The following CACNB1 variants were observed in gnomAD, a reference collection of about 807,000 sequenced individuals.
CACNB1 encodes the protein voltage-dependent L-type calcium channel subunit beta-1.
A neutral mutation model predicts 71.6 loss-of-function variants in CACNB1; 29 were observed. The observed-to-expected ratio is 0.40, with a 90% CI of 0.30 to 0.55. The LOEUF (loss-of-function observed/expected upper bound fraction) is 0.55. CACNB1 is among the 20% of genes least tolerant of loss of function. CACNB1 has a pLI of 0.38. For synonymous variants in CACNB1, 300 were observed against 319.6 expected (o/e 0.94, Z 0.65); for missense variants, 623 against 801.8 (o/e 0.78, Z 2.69).
rs1567798796 is a variant in CACNB1, at chr17:39,183,366, A to AG, written c.1050+346_1050+347insC. ...AAGAAGAAGAAGAAGAAGAAGAAGA[A>AG]AGGAAAGACCTCCCAACTGCCAAGT... is the stretch of plus-strand genomic sequence containing the variant. On this transcript the variant is annotated intron_variant, in intron 11 of 13. Coordinates refer to ENST00000394303, the MANE Select transcript of CACNB1 (RefSeq NM_000723.5). 3.5e-4 allele frequency among the ~76,000 whole-genome samples: 53 copies of AG among 151,368 alleles called. 1 individual carries two copies. The highest frequency in any genetic ancestry group is 9.2e-4 in the Admixed American group (14 of 15,188).
In CACNB1 at chr17:39,175,624, C is replaced by G; in HGVS notation, c.1366G>C (p.Glu456Gln). 6.3e-7 allele frequency: 1 copy of G among 1,580,118 alleles called. No homozygotes were observed. Among genetic ancestry groups the G allele is most frequent in the Non-Finnish European group, 8.6e-7 (1 of 1,161,316 alleles). The change falls in exon 14 of 14, where the codon GAA becomes CAA. Residue 456 changes from glutamate to glutamine, a missense_variant. By Grantham distance (29) the Glu-to-Gln change is conservative. Coordinates refer to ENST00000394303, the MANE Select transcript of CACNB1 (RefSeq NM_000723.5). This position sits in a 1 kb window ranked among gnomAD's most constrained non-coding sequence, Gnocchi z 4.7. ...PYLASGDQPL[E>Q]RATGEHASMH... ...CTGGCGTGCTCCCCGGTGGCCCGTT[C>G]CAGTGGCTGGTCCCCGGAAGCAAGG...
intron 1 of CACNB1, among the ~76,000 whole-genome samples, chr17:39,195,628 T>TG (rs1159850534): frequency 6.6e-6 from 1 of 152,132 alleles, no homozygotes; most frequent in Non-Finnish European, 1.5e-5. Context: ...CCTGGCACCA[T>TG]GGGGGCAAAT....
intron 11 of CACNB1, among the ~76,000 whole-genome samples, chr17:39,182,191 G>A (rs2045784418): frequency 6.6e-6 from 1 of 151,192 alleles, no homozygotes; most frequent in Admixed American, 6.6e-5. Flanking sequence ...CAGGTGTGGT[G>A]TGTGCCCGTA....
At chr17:39,187,182 G>A (rs2045961741) in intron 4 of CACNB1, 1 of 600,146 alleles carries the variant, frequency 1.7e-6, no homozygotes, top group South Asian at 2.0e-5. Flanking sequence ...TTCTCCCCAT[G>A]TGCCCACCCT....
intron 2 of CACNB1, chr17:39,193,494 G>C (rs2046138237): frequency 2.2e-6 from 1 of 452,712 alleles, no homozygotes; most frequent in Non-Finnish European, 4.4e-6. Context: ...CACCCTCAGT[G>C]CCTGGCCCTG....
chr17:39,182,986 G>T, intron 11 of CACNB1: 2 of 981,704 alleles, frequency 2.0e-6, no homozygotes, highest in Non-Finnish European at 1.2e-6. Context: ...CTCTTCCTCC[G>T]TGTTTCTCAG....
intron 12 of CACNB1, 60 bp from the exon 13 acceptor site, chr17:39,177,595 A>AG: frequency 1.4e-6 from 2 of 1,405,496 alleles, no homozygotes; most frequent in Non-Finnish European, 9.7e-7. Context: ...AAGGGGGTTG[A>AG]GGGTGTGGCC....
chr17:39,189,223 C>T (rs1350914681), intron 3 of CACNB1, among the ~76,000 whole-genome samples: 2 of 147,902 alleles, frequency 1.4e-5, no homozygotes, highest in Non-Finnish European at 3.0e-5. Flanking sequence ...ATTAGCTGGG[C>T]GTGGTGGCAC....
At chr17:39,196,681 CG>C (rs1243750586) in intron 1 of CACNB1, among the ~76,000 whole-genome samples, 3 of 151,294 alleles carry the variant, frequency 2.0e-5, no homozygotes, top group Non-Finnish European at 4.4e-5. Flanking sequence ...GAAAAGTGTG[CG>C]GGTGGGGATG....
At chr17:39,178,900 A>G (rs981664894) in intron 11 of CACNB1, among the ~76,000 whole-genome samples, 8 of 152,198 alleles carry the variant, frequency 5.3e-5, no homozygotes, top group African/African-American at 1.9e-4. Context: ...ACAAACGCAC[A>G]CTGAGGGACA....
At chr17:39,185,883 C>T (rs1021542320) in intron 6 of CACNB1, 5 of 1,531,076 alleles carry the variant, frequency 3.3e-6, no homozygotes, top group Non-Finnish European at 1.8e-6. Context: ...CCATTACAGC[C>T]CCCTTCCCTC....
Position 39,185,943 on chromosome 17 carries a change from G to A in CACNB1, c.628+553C>T, listed in dbSNP as rs750580889. 16 of 1,610,942 alleles carry A rather than the reference G, an allele frequency of 9.9e-6. No individual in the cohort carries two copies. The East Asian group carries it at 1.1e-4, about 11-fold the overall frequency. ...CCCACCTCTTGCAAGAACACAGCGAGAATTACCTTCTTAAAGAAGGGGATG... is the reference window on the plus strand; with the variant it reads ...CCCACCTCTTGCAAGAACACAGCGAAAATTACCTTCTTAAAGAAGGGGATG... On this transcript the variant is annotated intron_variant, in intron 6 of 13. Coordinates refer to ENST00000394303, the MANE Select transcript of CACNB1 (RefSeq NM_000723.5).
At chr17:39,196,935 C>T (rs2046213335) in intron 1 of CACNB1, among the ~76,000 whole-genome samples, 1 of 152,082 alleles carries the variant, frequency 6.6e-6, no homozygotes, top group Non-Finnish European at 1.5e-5. Context: ...GCTTTGAAGG[C>T]CTGTTGGCAT....
At chr17:39,179,311 G>A (rs1405371874) in intron 11 of CACNB1, among the ~76,000 whole-genome samples, 8 of 149,494 alleles carry the variant, frequency 5.4e-5, no homozygotes, top group Admixed American at 2.7e-4. Context: ...AAAGAGGGCC[G>A]GGTGCAGTGG....
chr17:39,186,384 G>A lies in CACNB1; in HGVS notation c.628+112C>T, dbSNP rs1370152177. 2 of 764,460 alleles carry A rather than the reference G, an allele frequency of 2.6e-6. No individual in the cohort carries two copies. Among genetic ancestry groups the A allele is most frequent in the African/African-American group, 1.7e-5 (1 of 57,334 alleles). 47.4% of individuals were successfully genotyped at this position (764,460 alleles called of 1,614,324 possible). ...AGGGGGAACCACTGCATGTGCTTGGGGGACTCAGGATTGGGGTGTTTCCTA... is the reference window on the plus strand; with the variant it reads ...AGGGGGAACCACTGCATGTGCTTGGAGGACTCAGGATTGGGGTGTTTCCTA... On this transcript the variant is annotated intron_variant, in intron 6 of 13. Transcript: ENST00000394303. This position sits in a 1 kb window ranked among gnomAD's most constrained non-coding sequence, Gnocchi z 4.1.
intron 3 of CACNB1, among the ~76,000 whole-genome samples, chr17:39,191,052 AAAT>A: frequency 6.6e-6 from 1 of 151,780 alleles, no homozygotes; most frequent in South Asian, 2.1e-4. Context: ...AAAATACAAA[AAAT>A]TAGCCGGGCG....
intron 2 of CACNB1, chr17:39,191,829 G>A (rs2046088128): frequency 1.9e-6 from 1 of 514,466 alleles, no homozygotes; most frequent in Non-Finnish European, 3.4e-6. Context: ...GGAGATGAAG[G>A]CAGGCCCAAG....
intron 11 of CACNB1, chr17:39,182,847 T>C: frequency 2.0e-6 from 1 of 508,342 alleles, no homozygotes; most frequent in Non-Finnish European, 2.5e-6. Context: ...AATCAGAGGC[T>C]AAATAATTCC....
In CACNB1 at chr17:39,186,623, G is replaced by C. The variant is rs778238054; in HGVS notation, c.552-51C>G. On this transcript the variant is annotated intron_variant, in intron 5 of 13. Transcript: ENST00000394303. This position sits in a 1 kb window ranked among gnomAD's most constrained non-coding sequence, Gnocchi z 4.1. ...TTGTGAGCAAAGAGGTGGGCGTGGG[G>C]GGCTCTCATCCTCTCACATGCGGCA... The C allele has an allele frequency of 1.9e-6, 3 of 1,553,794 alleles. No individual in the cohort carries two copies. In the South Asian group the frequency reaches 3.4e-5, roughly 18 times the overall value.
Sources: allele counts gnomAD v4.1 joint callset (sites outside exome capture counted in the v4.1 genomes callset), GRCh38; gene constraint gnomAD v4.1.1; non-coding constraint Gnocchi (gnomAD v3.1); transcripts MANE v1.5; gene names NCBI Gene and HGNC (gene_info 2026-07-23, HGNC 2026-07-21).